ANKRD28: variants seen among roughly 807,000 people sequenced by gnomAD.
ANKRD28 encodes serine/threonine-protein phosphatase 6 regulatory ankyrin repeat subunit A.
Under a neutral mutation model 126.5 loss-of-function variants are expected in ANKRD28, and 44 were observed. The ratio of observed to expected loss-of-function variants is 0.35; its 90% confidence interval spans 0.27 to 0.45. The LOEUF (loss-of-function observed/expected upper bound fraction) is 0.45, where lower values mean the gene tolerates loss of function less well. ANKRD28 is among the 20% of genes least tolerant of loss of function. The probability of loss-of-function intolerance (pLI) is 1.00; values close to 1 mark genes in which losing one functional copy is unlikely to be tolerated. For missense variants in ANKRD28, 1,110 were observed against 1,316.6 expected (o/e 0.84, Z 2.43); for synonymous variants, 442 against 468.5 (o/e 0.94, Z 0.73).
intron 6 of ANKRD28, among the ~76,000 whole-genome samples, chr3:15,728,185 A>G (rs2074324093): frequency 6.6e-6 from 1 of 152,228 alleles, no homozygotes; most frequent in Non-Finnish European, 1.5e-5. Flanking sequence ...TTTTTTAATT[A>G]AGAACACTGA....
At position 15,795,167 on chromosome 3, in the gene ANKRD28, G is replaced by C. The variant is rs1025844580; in HGVS notation, c.201+56C>G. The C allele has an allele frequency of 1.7e-5, 20 of 1,204,496 alleles. 1 individual carries two copies. The highest frequency in any genetic ancestry group is 4.0e-4 in the Middle Eastern group (2 of 4,974). 74.6% of individuals were successfully genotyped at this position (1,204,496 alleles called of 1,614,324 possible). A position where few individuals can be genotyped will look rare whatever the true frequency, so the allele number is the denominator to read the frequency against. The stretch of plus-strand genomic sequence containing the variant: ...TTGTAAACAAAAATCACAATTCTAG[G>C]AAAGAATTTTAAAAAGCAGTTTTAA... On this transcript the variant is annotated intron_variant, in intron 2 of 27. Transcript: ENST00000683139.
In ANKRD28 at chr3:15,830,388, C is replaced by T. The variant is rs1043815571; in HGVS notation, c.27+28989G>A. Among the ~76,000 whole-genome samples the T allele has an allele frequency of 6.6e-6, 1 of 152,006 alleles. No individual in the cohort carries two copies. Among genetic ancestry groups the T allele is most frequent in the Non-Finnish European group, 1.5e-5 (1 of 68,002 alleles). ...GGGCTGGATAGCAGGAGGTGAGCAG[C>T]GGGCAAGCAAGCATTACCACCTCAA... On this transcript the variant is annotated intron_variant, in intron 1 of 27. Transcript: ENST00000399451. The surrounding 1 kb of genome is among the most constrained non-coding windows in gnomAD (Gnocchi z 4.5).
chr3:15,755,799 C>T lies in ANKRD28; in HGVS notation c.281-3979G>A, dbSNP rs575045868. Among the ~76,000 whole-genome samples the T allele has an allele frequency of 3.3e-4, 50 of 152,228 alleles. 1 individual carries two copies. In the South Asian group the frequency reaches 9.1e-3, roughly 28 times the overall value. On this transcript the variant is annotated intron_variant, in intron 3 of 27. Transcript: ENST00000683139. ...GGTTTATAAGGATGACCTTAAGTAA[C>T]CAACAGAAGATTAATTTCTTTACTA...
intron 3 of ANKRD28, among the ~76,000 whole-genome samples, chr3:15,753,895 G>A (rs1030209820): frequency 6.6e-6 from 1 of 152,108 alleles, no homozygotes; most frequent in African/African-American, 2.4e-5. Flanking sequence ...AGTGAGCCGA[G>A]ATTGCACCAC....
Position 15,830,464 on chromosome 3 carries a change from A to C in ANKRD28, c.27+28913T>G, listed in dbSNP as rs973732346. 6.6e-6 allele frequency among the ~76,000 whole-genome samples: 1 copy of C among 152,120 alleles called. No homozygotes were observed. The highest frequency in any genetic ancestry group is 1.5e-5 in the Non-Finnish European group (1 of 68,016). ...GCATTAGATTCTCATAGGACTGCCAATCCTATTTTGAATTGCACATCTGAG... is the reference window on the plus strand; with the variant it reads ...GCATTAGATTCTCATAGGACTGCCACTCCTATTTTGAATTGCACATCTGAG... On this transcript the variant is annotated intron_variant, in intron 1 of 27. Transcript: ENST00000399451. The surrounding 1 kb of genome is among the most constrained non-coding windows in gnomAD (Gnocchi z 4.5).
intron 1 of ANKRD28, among the ~76,000 whole-genome samples, chr3:15,806,211 C>A (rs1190708867): frequency 1.3e-5 from 2 of 152,160 alleles, no homozygotes; most frequent in African/African-American, 4.8e-5. Flanking sequence ...ATGCTTGTAA[C>A]AATGTTAATT....
At chr3:15,850,220 T>TAGAG (rs1274116099) in intron 1 of ANKRD28, among the ~76,000 whole-genome samples, 2 of 49,350 alleles carry the variant, frequency 4.1e-5, no homozygotes, top group Non-Finnish European at 9.0e-5. Flanking sequence ...TATATATATA[T>TAGAG]ATATAGAGAG....
chr3:15,701,564 A>C (rs545216878), intron 14 of ANKRD28, among the ~76,000 whole-genome samples: 15 of 152,192 alleles, frequency 9.9e-5, no homozygotes, highest in African/African-American at 3.1e-4. Flanking sequence ...GAATCACTTG[A>C]ACCCAGGAGG....
chr3:15,697,509 T>C (rs897597685), intron 14 of ANKRD28: 6 of 151,998 alleles, frequency 3.9e-5, no homozygotes, highest in Admixed American at 1.3e-4. Flanking sequence ...ATCATGTGTT[T>C]GTTTTTTTTT....
In ANKRD28 at chr3:15,705,776, C is replaced by T. The variant is rs980168322; in HGVS notation, c.1547+2148G>A. The stretch of plus-strand genomic sequence containing the variant: ...CAGCATTTTGGAAGGCCAAGGTGGG[C>T]GGATCACTTAGGTCAGGAGTTTGAG... On this transcript the variant is annotated intron_variant, in intron 14 of 27. Coordinates refer to ENST00000683139, the MANE Select transcript of ANKRD28 (RefSeq NM_001349278.2). 5.9e-5 allele frequency among the ~76,000 whole-genome samples: 9 copies of T among 152,236 alleles called. No homozygotes were observed. In the East Asian group the frequency reaches 7.7e-4, roughly 13 times the overall value.
At chr3:15,699,614 GC>G (rs1437635344) in intron 14 of ANKRD28, among the ~76,000 whole-genome samples, 1 of 152,284 alleles carries the variant, frequency 6.6e-6, no homozygotes, top group East Asian at 1.9e-4. Flanking sequence ...CATTTATGCA[GC>G]CAATAGACAT....
chr3:15,676,333 G>C (rs1275290254), intron 26 of ANKRD28: 2 of 201,172 alleles, frequency 9.9e-6, no homozygotes, highest in African/African-American at 4.6e-5. Context: ...GGCTGGTAAA[G>C]ATACAGACTA....
chr3:15,721,917 T>A, intron 7 of ANKRD28, among the ~76,000 whole-genome samples: 1 of 152,090 alleles, frequency 6.6e-6, no homozygotes. Flanking sequence ...GGCTAATATT[T>A]GTATTTTAGT....
chr3:15,796,503 C>G lies in ANKRD28; in HGVS notation c.19G>C (p.Val7Leu). 7 of 1,288,566 alleles carry G rather than the reference C, an allele frequency of 5.4e-6. No individual in the cohort carries two copies. The highest frequency in any genetic ancestry group is 7.1e-6 in the Non-Finnish European group (7 of 988,146). The allele number at this position is 1,288,566 out of a possible 1,614,324, so 79.8% of individuals were successfully genotyped here. ...TCATCTTCTACCTCCTCCAAAACAA[C>G]AATACACACTCGACTCATTCGATCT... MSRVCI[V>L]VLEEVEDESP... Residue 7 changes from valine to leucine, a missense_variant, in exon 1 of 28, where the codon GTT (valine) becomes CTT (leucine). Coordinates refer to ENST00000683139, the MANE Select transcript of ANKRD28 (RefSeq NM_001349278.2).
chr3:15,737,099 A>G lies in ANKRD28; in HGVS notation c.486T>C (p.Asn162=). 6.2e-7 allele frequency: 1 copy of G among 1,614,006 alleles called. No homozygotes were observed. The highest frequency in any genetic ancestry group is 8.5e-7 in the Non-Finnish European group (1 of 1,179,904). ...CAEALVPLLS[N]VNVSDRAGRT... ...TCCCTGCTCGATCAGATACGTTTAC[A>G]TTACTCAGAAGAGGTACCAAAGCTT... The change falls in exon 5 of 28, where the codon AAT becomes AAC. Residue 162 remains asparagine (N), a synonymous_variant. Coordinates refer to ENST00000683139, the MANE Select transcript of ANKRD28 (RefSeq NM_001349278.2).
rs1443557602 is a variant in ANKRD28 at position 15,845,963 on chromosome 3, C to T, written c.27+13414G>A. On this transcript the variant is annotated intron_variant, in intron 1 of 27. Transcript: ENST00000399451. The surrounding 1 kb of genome is among the most constrained non-coding windows in gnomAD (Gnocchi z 4.9). ...GCATCTCACCAGTCCCCTCCTCTGA[C>T]ACATGGAGATTACAATTTGAGAAGA... Among the ~76,000 whole-genome samples the T allele has an allele frequency of 6.6e-6, 1 of 152,182 alleles. No homozygotes were observed. The highest frequency in any genetic ancestry group is 6.5e-5 in the Admixed American group (1 of 15,276).
chr3:15,847,023 A>G (rs947442404), intron 1 of ANKRD28, among the ~76,000 whole-genome samples: 1 of 152,198 alleles, frequency 6.6e-6, no homozygotes, highest in Non-Finnish European at 1.5e-5. Flanking sequence ...ACAGCAAGCT[A>G]GTCTTTACCA....
intron 20 of ANKRD28, 29 bp downstream of exon 20, chr3:15,685,973 T>C (rs771090646): frequency 2.5e-6 from 4 of 1,581,130 alleles, no homozygotes; most frequent in Non-Finnish European, 2.6e-6. Flanking sequence ...TAAAAGCTTT[T>C]TGAAAGGAAA....
chr3:15,676,007 ATACATGTACACATATGTGCATG>A lies in ANKRD28; in HGVS notation c.2874-40_2874-19del. ...GCAGAGGTCTAGGGGAAAAAACATG[ATACATGTACACATATGTGCATG>A]TGCATGCACATACACATACACACCT... On this transcript the variant is annotated intron_variant, in intron 26 of 27. Coordinates refer to ENST00000683139, the MANE Select transcript of ANKRD28 (RefSeq NM_001349278.2). 1 of 1,602,190 alleles carries A rather than the reference ATACATGTACACATATGTGCATG, an allele frequency of 6.2e-7. No individual in the cohort carries two copies. Among genetic ancestry groups the A allele is most frequent in the South Asian group, 1.1e-5 (1 of 90,200 alleles).
Sources: gnomAD v4.1 joint callset for allele counts (sites outside exome capture counted in the v4.1 genomes callset) on GRCh38, gnomAD v4.1.1 for gene constraint, Gnocchi (gnomAD v3.1) non-coding constraint, MANE v1.5 for transcripts, NCBI Gene and HGNC (gene_info 2026-07-23, HGNC 2026-07-21) for gene names.